The following CSNK1G3 variants were observed in gnomAD, a reference collection of about 807,000 sequenced individuals.
CSNK1G3 encodes the protein casein kinase I isoform gamma-3.
Under a neutral mutation model 64.3 loss-of-function variants are expected in CSNK1G3, and 23 were observed. The ratio of observed to expected loss-of-function variants is 0.36; its 90% CI spans 0.26 to 0.51. The LOEUF is 0.51. Among genes scored for constraint, CSNK1G3 ranks in the 20% least tolerant of loss-of-function variants. CSNK1G3 has a pLI of 0.96. For missense variants in CSNK1G3, 357 were observed against 510.5 expected (o/e 0.70, Z 2.90); for synonymous variants, 158 against 162.2 (o/e 0.97, Z 0.20).
chr5:123,594,994 G>T, intron 10 of CSNK1G3, 45 bp from the exon 11 acceptor site: 1 of 1,546,726 alleles, frequency 6.5e-7, no homozygotes, highest in Non-Finnish European at 8.9e-7. Context: ...AACATATTGG[G>T]TTTTTCTTCT....
exon 2 of CSNK1G3, chr5:123,545,525 A>T (rs1469201892): frequency 4.8e-6 from 3 of 619,230 alleles, no homozygotes; most frequent in Non-Finnish European, 8.0e-6. Flanking sequence ...GCTCCAGTTA[A>T]TTGACTACCT....
intron 10 of CSNK1G3, 83 bp from the exon 11 acceptor site, chr5:123,594,956 T>A: frequency 8.6e-7 from 1 of 1,165,326 alleles, no homozygotes; most frequent in Non-Finnish European, 1.2e-6. Flanking sequence ...TATACGTTTG[T>A]TTTATATATT....
chr5:123,556,430 C>G (rs1784633948), intron 3 of CSNK1G3, among the ~76,000 whole-genome samples: 1 of 152,038 alleles, frequency 6.6e-6, no homozygotes. Flanking sequence ...ACTAAATCTT[C>G]TCACTGGATT....
rs185210510 is a variant in CSNK1G3, at chr5:123,593,522, G to A, written c.1086+2108G>A. Among the ~76,000 whole-genome samples the A allele has an allele frequency of 1.6e-4, 25 of 152,034 alleles. No homozygotes were observed. The East Asian group carries it at 3.5e-3, about 21-fold the overall frequency. ...TAATTGTTTATTTTCAGGAGAGGGC[G>A]TGTAGCTCTTACTATATTCTTAGAG... On this transcript the variant is annotated intron_variant, in intron 10 of 12. Transcript: ENST00000345990.
chr5:123,615,404 A>T (rs1166557903), exon 13 of CSNK1G3: 10 of 152,192 alleles, frequency 6.6e-5, no homozygotes, highest in African/African-American at 2.4e-4. Flanking sequence ...CTCTTTGATT[A>T]AAAAAAAGAC....
intron 10 of CSNK1G3, among the ~76,000 whole-genome samples, chr5:123,600,405 ACT>A (rs1794251832): frequency 6.6e-6 from 1 of 151,988 alleles, no homozygotes. Context: ...GCGGGTGATC[ACT>A]TGAGGTCAGG....
rs193070044 is a variant in CSNK1G3, at chr5:123,548,854, C to T, written c.178+3013C>T. The stretch of plus-strand genomic sequence containing the variant: ...TGAAATATCATAAGTTGAAAATGGG[C>T]ATTTTATAGACATAATGACATTGGA... On this transcript the variant is annotated intron_variant, in intron 2 of 12. Transcript: ENST00000345990. 1.6e-3 allele frequency among the ~76,000 whole-genome samples: 236 copies of T among 152,214 alleles called. 1 individual carries two copies. The highest frequency in any genetic ancestry group is 5.3e-3 in the African/African-American group (221 of 41,520).
intron 10 of CSNK1G3, among the ~76,000 whole-genome samples, chr5:123,604,220 C>T (rs144005240): frequency 1.5e-4 from 23 of 152,138 alleles, no homozygotes; most frequent in African/African-American, 5.1e-4. Context: ...GTGACCCCTA[C>T]GTTTGAACAA....
At chr5:123,527,030 G>A (rs2150049494) in intron 1 of CSNK1G3, among the ~76,000 whole-genome samples, 1 of 152,194 alleles carries the variant, frequency 6.6e-6, no homozygotes, top group African/African-American at 2.4e-5. Context: ...ATATAGAAGA[G>A]TTCTAGTAGT....
chr5:123,587,661 A>ATT (rs769206118), intron 6 of CSNK1G3, among the ~76,000 whole-genome samples: 164 of 152,326 alleles, frequency 1.1e-3, no homozygotes, highest in Non-Finnish European at 1.8e-3. Context: ...AACTTTAGGA[A>ATT]ATGCAGGGTT....
At chr5:123,514,091 A>G (rs904623150) in intron 1 of CSNK1G3, among the ~76,000 whole-genome samples, 34 of 152,252 alleles carry the variant, frequency 2.2e-4, no homozygotes, top group African/African-American at 8.2e-4. Flanking sequence ...CATTCTTAGC[A>G]GAATGTACAG....
chr5:123,554,146 G>T (rs1272779998), intron 3 of CSNK1G3, among the ~76,000 whole-genome samples: 4 of 152,156 alleles, frequency 2.6e-5, no homozygotes, highest in East Asian at 1.9e-4. Flanking sequence ...CCAAGTTTTA[G>T]TGTAACAAAT....
chr5:123,528,367 A>T (rs1779404582), intron 1 of CSNK1G3, among the ~76,000 whole-genome samples: 2 of 152,186 alleles, frequency 1.3e-5, no homozygotes, highest in East Asian at 3.9e-4. Flanking sequence ...AACATTCTTA[A>T]ATTTCTAAGA....
At chr5:123,581,827 G>A (rs1427081716) in intron 6 of CSNK1G3, among the ~76,000 whole-genome samples, 3 of 151,776 alleles carry the variant, frequency 2.0e-5, no homozygotes, top group Admixed American at 2.0e-4. Context: ...ATTTAAGAAG[G>A]AAATATAGTG....
At chr5:123,585,085 G>T (rs1791057996) in intron 6 of CSNK1G3, among the ~76,000 whole-genome samples, 2 of 151,954 alleles carry the variant, frequency 1.3e-5, no homozygotes, top group South Asian at 4.1e-4. Context: ...TTGTCCTTCT[G>T]TTTATTTTGG....
At chr5:123,559,278 G>T (rs538052707) in intron 4 of CSNK1G3, among the ~76,000 whole-genome samples, 81 of 152,082 alleles carry the variant, frequency 5.3e-4, no homozygotes, top group South Asian at 2.9e-3. Context: ...GATCTATCTA[G>T]TACAGTAATA....
At chr5:123,547,576 A>C (rs932489807) in intron 2 of CSNK1G3, among the ~76,000 whole-genome samples, 7 of 152,154 alleles carry the variant, frequency 4.6e-5, no homozygotes, top group African/African-American at 1.2e-4. Context: ...AAAGAGGTAA[A>C]GCACCCCTTT....
chr5:123,594,212 A>G (rs1412020370), intron 10 of CSNK1G3, among the ~76,000 whole-genome samples: 1 of 152,202 alleles, frequency 6.6e-6, no homozygotes, highest in Non-Finnish European at 1.5e-5. Context: ...CCTACTTTTT[A>G]TTAGTGTTGT....
At chr5:123,537,328 A>G (rs1031121729) in intron 1 of CSNK1G3, among the ~76,000 whole-genome samples, 33 of 152,102 alleles carry the variant, frequency 2.2e-4, no homozygotes, top group African/African-American at 8.0e-4. Flanking sequence ...AGCTAGGAAC[A>G]GAAAGTCAGA....
Sources: gnomAD v4.1 joint callset for allele counts (sites outside exome capture counted in the v4.1 genomes callset) on GRCh38, gnomAD v4.1.1 for gene constraint, MANE v1.5 for transcripts, NCBI Gene and HGNC (gene_info 2026-07-23, HGNC 2026-07-21) for gene names.